The following FRMD4A variants were observed in gnomAD, a reference collection of about 807,000 sequenced individuals.
The protein encoded by FRMD4A is FERM domain-containing protein 4A.
A neutral mutation model predicts 129.1 loss-of-function variants in FRMD4A; 29 were observed. The ratio of observed to expected loss-of-function variants is 0.22; its 90% CI spans 0.17 to 0.31. The LOEUF (loss-of-function observed/expected upper bound fraction) is 0.31. Among genes scored for constraint, FRMD4A ranks in the 10% least tolerant of loss-of-function variants. FRMD4A has a pLI of 1.00. For synonymous variants in FRMD4A, 634 were observed against 571.6 expected (o/e 1.11, Z -1.56); for missense variants, 1,272 against 1,375.8 (o/e 0.92, Z 1.19).
chr10:13,958,830 C>T (rs1188683244), intron 2 of FRMD4A, among the ~76,000 whole-genome samples: 1 of 152,150 alleles, frequency 6.6e-6, no homozygotes, highest in African/African-American at 2.4e-5. Flanking sequence ...GGTGATCCAC[C>T]TGCCTCGGCC....
chr10:13,928,363 C>T (rs1446224479), intron 2 of FRMD4A, among the ~76,000 whole-genome samples: 6 of 151,164 alleles, frequency 4.0e-5, no homozygotes, highest in Admixed American at 6.6e-5. Context: ...GAAAAACAAA[C>T]TCTGAGCAAA....
chr10:13,960,459 A>G (rs955719818), intron 2 of FRMD4A, among the ~76,000 whole-genome samples: 1 of 152,242 alleles, frequency 6.6e-6, no homozygotes, highest in Non-Finnish European at 1.5e-5. Flanking sequence ...TTGATTGGAC[A>G]TGTACTATTT....
At chr10:14,299,857 G>A (rs531310329) in intron 2 of FRMD4A, among the ~76,000 whole-genome samples, 19 of 152,304 alleles carry the variant, frequency 1.2e-4, no homozygotes, top group East Asian at 1.9e-4. Context: ...AGCTGAGACC[G>A]AAGGAGCAGG....
intron 2 of FRMD4A, among the ~76,000 whole-genome samples, chr10:13,917,379 T>C (rs903568708): frequency 6.7e-6 from 1 of 150,000 alleles, no homozygotes; most frequent in Non-Finnish European, 1.5e-5. Context: ...AACCTCCACC[T>C]CCTGGGTTCA....
chr10:14,012,150 G>C (rs961801760), intron 2 of FRMD4A, among the ~76,000 whole-genome samples: 2 of 152,000 alleles, frequency 1.3e-5, no homozygotes, highest in African/African-American at 2.4e-5. Flanking sequence ...TGCTGGATGT[G>C]GGGTGGGAGT....
intron 2 of FRMD4A, among the ~76,000 whole-genome samples, chr10:14,292,465 T>G (rs1412432721): frequency 6.6e-6 from 1 of 152,208 alleles, no homozygotes; most frequent in Non-Finnish European, 1.5e-5. Flanking sequence ...CCTCCTCACA[T>G]GCTACACAAA....
chr10:14,010,548 C>T (rs761108707), intron 2 of FRMD4A, among the ~76,000 whole-genome samples: 1 of 150,498 alleles, frequency 6.6e-6, no homozygotes, highest in Non-Finnish European at 1.5e-5. Context: ...TAGGTGACCC[C>T]CTCCTTGGAG....
chr10:14,077,846 C>G (rs544087320), intron 2 of FRMD4A, among the ~76,000 whole-genome samples: 2 of 152,340 alleles, frequency 1.3e-5, no homozygotes, highest in African/African-American at 4.8e-5. Context: ...CTCATATAGG[C>G]TTAACATCCA....
chr10:13,650,642 G>A (rs973590751), intron 24 of FRMD4A, among the ~76,000 whole-genome samples: 8 of 152,122 alleles, frequency 5.3e-5, no homozygotes, highest in African/African-American at 1.9e-4. Context: ...GGGGGAGGGG[G>A]TCTACCTTCC....
At chr10:14,016,070 T>C (rs1011383108) in intron 2 of FRMD4A, among the ~76,000 whole-genome samples, 3 of 152,188 alleles carry the variant, frequency 2.0e-5, no homozygotes, top group African/African-American at 7.2e-5. Flanking sequence ...ACTCAGCTCC[T>C]CTCTGTGATG....
At chr10:13,808,832 G>A (rs2093399930) in intron 4 of FRMD4A, among the ~76,000 whole-genome samples, 1 of 152,206 alleles carries the variant, frequency 6.6e-6, no homozygotes, top group Admixed American at 6.5e-5. Flanking sequence ...TCTGGGGCAG[G>A]TGATGGAAAT....
chr10:14,128,031 C>T (rs1407535215), intron 2 of FRMD4A, among the ~76,000 whole-genome samples: 3 of 132,532 alleles, frequency 2.3e-5, no homozygotes, highest in African/African-American at 9.0e-5. Context: ...TTCCTTCCTT[C>T]CTTCCTTTCT....
At chr10:13,764,905 T>G (rs1025851387) in intron 6 of FRMD4A, among the ~76,000 whole-genome samples, 3 of 152,186 alleles carry the variant, frequency 2.0e-5, no homozygotes, top group Non-Finnish European at 2.9e-5. Flanking sequence ...AGGGCCTTAA[T>G]GGCACTTAAG....
At chr10:13,861,191 T>C (rs1308670248) in intron 2 of FRMD4A, among the ~76,000 whole-genome samples, 1 of 152,144 alleles carries the variant, frequency 6.6e-6, no homozygotes, top group African/African-American at 2.4e-5. Context: ...ATGGACTGGA[T>C]TGTGTTCCCC....
At chr10:14,064,958 A>G (rs1324776480) in intron 2 of FRMD4A, among the ~76,000 whole-genome samples, 2 of 152,210 alleles carry the variant, frequency 1.3e-5, no homozygotes, top group Non-Finnish European at 2.9e-5. Flanking sequence ...GCAAAACTGC[A>G]GTGGTAATAC....
intron 3 of FRMD4A, among the ~76,000 whole-genome samples, chr10:13,814,750 T>G (rs932416589): frequency 6.6e-6 from 1 of 152,096 alleles, no homozygotes; most frequent in South Asian, 2.1e-4. Flanking sequence ...CAGAGATACA[T>G]AAGTTTGCCC....
chr10:14,287,130 T>C (rs1201153497), intron 2 of FRMD4A, among the ~76,000 whole-genome samples: 2 of 110,124 alleles, frequency 1.8e-5, no homozygotes, highest in Non-Finnish European at 3.6e-5. Flanking sequence ...TCTTGCTCTT[T>C]GACAGGCCCC....
intron 2 of FRMD4A, among the ~76,000 whole-genome samples, chr10:13,926,925 A>G (rs564034731): frequency 1.4e-4 from 22 of 152,262 alleles, no homozygotes; most frequent in African/African-American, 5.3e-4. Flanking sequence ...AGTTCTTCCA[A>G]GTCCTAAGAG....
chr10:13,944,003 G>T (rs1432252021), intron 2 of FRMD4A, among the ~76,000 whole-genome samples: 1 of 152,154 alleles, frequency 6.6e-6, no homozygotes, highest in East Asian at 1.9e-4. Context: ...CTACCATTCA[G>T]AGACAACAGA....
Sources: allele counts gnomAD v4.1 joint callset (sites outside exome capture counted in the v4.1 genomes callset), GRCh38; gene constraint gnomAD v4.1.1; transcripts MANE v1.5; gene names NCBI Gene and HGNC (gene_info 2026-07-23, HGNC 2026-07-21).